Variants in INPP4B observed in about 807,000 individuals in gnomAD.
INPP4B encodes inositol polyphosphate-4-phosphatase type II B.
In INPP4B, 55 loss-of-function variants were observed where a neutral mutation model predicts 122.5. That is an observed-to-expected ratio of 0.45 (90% CI 0.36 to 0.56). INPP4B has a LOEUF of 0.56. Among genes scored for constraint, INPP4B ranks in the 20% least tolerant of loss-of-function variants. The pLI is 0.00. For synonymous variants in INPP4B, 403 were observed against 388.7 expected, an observed-to-expected ratio of 1.04 and a Z score of -0.43; for missense variants, 1,000 against 1,097.7, an observed-to-expected ratio of 0.91 and a Z score of 1.26.
chr4:142,314,657 A>C, intron 8 of INPP4B, 55 bp downstream of exon 8: 1 of 1,523,354 alleles, frequency 6.6e-7, no homozygotes, highest in Non-Finnish European at 8.9e-7. Flanking sequence ...AGAAAATCCA[A>C]ATGATTAATT....
chr4:142,732,198 G>A (rs1766200850), intron 1 of INPP4B, among the ~76,000 whole-genome samples: 1 of 152,136 alleles, frequency 6.6e-6, no homozygotes, highest in Non-Finnish European at 1.5e-5. Context: ...ATTTACTGAA[G>A]AGTATTATGC....
intron 2 of INPP4B, among the ~76,000 whole-genome samples, chr4:142,574,247 G>T (rs964712410): frequency 1.3e-5 from 2 of 152,014 alleles, no homozygotes; most frequent in African/African-American, 4.8e-5. Flanking sequence ...GAGGGAACTG[G>T]TTTCCTCCTC....
intron 2 of INPP4B, among the ~76,000 whole-genome samples, chr4:142,614,578 A>C (rs1276055329): frequency 6.6e-6 from 1 of 152,166 alleles, no homozygotes; most frequent in Non-Finnish European, 1.5e-5. Context: ...TCTGCATAAC[A>C]AAATAAATAA....
At chr4:142,557,402 C>T (rs540415768) in intron 2 of INPP4B, among the ~76,000 whole-genome samples, 3 of 152,254 alleles carry the variant, frequency 2.0e-5, no homozygotes, top group South Asian at 2.1e-4. Context: ...CCTGGAGAGA[C>T]GCACAGACCT....
intron 9 of INPP4B, among the ~76,000 whole-genome samples, chr4:142,277,556 C>A (rs531929606): frequency 8.6e-5 from 13 of 151,802 alleles, no homozygotes; most frequent in African/African-American, 3.1e-4. Context: ...AAATAACTCA[C>A]TATAAGAAAG....
intron 25 of INPP4B, among the ~76,000 whole-genome samples, chr4:142,042,974 ACAC>A (rs1560918113): frequency 1.3e-5 from 2 of 152,126 alleles, no homozygotes; most frequent in African/African-American, 4.8e-5. Context: ...TCAACATCAA[ACAC>A]CACCATTACC....
chr4:142,326,781 C>A (rs1279744956), intron 7 of INPP4B, among the ~76,000 whole-genome samples: 1 of 152,108 alleles, frequency 6.6e-6, no homozygotes, highest in African/African-American at 2.4e-5. Context: ...CTCTGTTTAA[C>A]CTTTGGGTTA....
intron 3 of INPP4B, among the ~76,000 whole-genome samples, chr4:142,453,675 TA>T (rs1560674466): frequency 6.6e-6 from 1 of 152,178 alleles, no homozygotes; most frequent in Non-Finnish European, 1.5e-5. Flanking sequence ...TGCATACACA[TA>T]ATGCATCTTA....
At chr4:142,275,179 C>G (rs1320502509) in intron 9 of INPP4B, among the ~76,000 whole-genome samples, 1 of 151,616 alleles carries the variant, frequency 6.6e-6, no homozygotes, top group Non-Finnish European at 1.5e-5. Flanking sequence ...AGTCTTCTAA[C>G]AAAGGATAAT....
chr4:142,345,950 T>G (rs1780203743), intron 7 of INPP4B, among the ~76,000 whole-genome samples: 1 of 152,048 alleles, frequency 6.6e-6, no homozygotes, highest in African/African-American at 2.4e-5. Flanking sequence ...TGGCAGTTTT[T>G]GGATAAACTG....
At chr4:142,264,865 G>C (rs1741993773) in intron 10 of INPP4B, among the ~76,000 whole-genome samples, 1 of 152,158 alleles carries the variant, frequency 6.6e-6, no homozygotes, top group Non-Finnish European at 1.5e-5. Context: ...AGGTCATAAA[G>C]ATGGGGTCTT....
chr4:142,588,354 A>C (rs1030386782), intron 2 of INPP4B, among the ~76,000 whole-genome samples: 24 of 151,822 alleles, frequency 1.6e-4, no homozygotes, highest in Admixed American at 2.0e-4. Context: ...AGAAGAAATA[A>C]ATTTGTCTTT....
rs548657440 is a variant in INPP4B at position 142,443,348 on chromosome 4, C to T, written c.-126-11963G>A. ...GAGGTACATGCCTGCTGAAGGGGAACAGCAGTAATTGCAGGAAAAGTACAA... is the reference window on the plus strand; with the variant it reads ...GAGGTACATGCCTGCTGAAGGGGAATAGCAGTAATTGCAGGAAAAGTACAA... On this transcript the variant is annotated intron_variant, in intron 3 of 25. Transcript: ENST00000262992. Among the ~76,000 whole-genome samples the T allele has an allele frequency of 1.1e-4, 16 of 152,164 alleles. No individual in the cohort carries two copies. The South Asian group carries it at 2.1e-3, about 20-fold the overall frequency.
intron 7 of INPP4B, among the ~76,000 whole-genome samples, chr4:142,402,143 C>T (rs1641208297): frequency 6.6e-6 from 1 of 152,188 alleles, no homozygotes; most frequent in African/African-American, 2.4e-5. Context: ...ACTGGTCCAC[C>T]TGCCATTAAA....
intron 1 of INPP4B, among the ~76,000 whole-genome samples, chr4:142,810,278 T>A (rs1779348765): frequency 6.6e-6 from 1 of 152,114 alleles, no homozygotes; most frequent in African/African-American, 2.4e-5. Flanking sequence ...GTTATGTATA[T>A]CTTGCCAAAA....
intron 9 of INPP4B, among the ~76,000 whole-genome samples, chr4:142,298,459 G>A (rs1203630867): frequency 6.6e-6 from 1 of 151,682 alleles, no homozygotes; most frequent in African/African-American, 2.4e-5. Context: ...GGCCGAGTTG[G>A]GTAGATCACG....
intron 2 of INPP4B, among the ~76,000 whole-genome samples, chr4:142,469,579 A>C (rs150331313): frequency 0.029 from 4,474 of 152,226 alleles, 103 homozygotes; most frequent in Middle Eastern, 0.065. Flanking sequence ...TTTTGCTCTA[A>C]TGATAAAATA....
chr4:142,423,950 C>T lies in INPP4B; in HGVS notation c.136+5223G>A, dbSNP rs78011535. The T allele has an allele frequency of 7.3e-3, 2,306 of 316,512 alleles. 55 individuals carry two copies. Among genetic ancestry groups the T allele is most frequent in the African/African-American group, 0.048 (2,132 of 44,662 alleles). 19.6% of individuals were successfully genotyped at this position (316,512 alleles called of 1,614,324 possible). ...TTTTCCTTCTAGAAATACAAGATGG[C>T]GGGCCTTTCTATATGTAGCTTGTAT... is the stretch of plus-strand genomic sequence containing the variant. On this transcript the variant is annotated intron_variant, in intron 5 of 25. Transcript: ENST00000262992.
intron 2 of INPP4B, among the ~76,000 whole-genome samples, chr4:142,523,842 G>A (rs1560754959): frequency 1.5e-5 from 2 of 132,108 alleles, no homozygotes; most frequent in African/African-American, 2.9e-5. Flanking sequence ...AGAGTGTGAT[G>A]TTCCCCTTCC....
Sources: gnomAD v4.1 joint callset for allele counts (sites outside exome capture counted in the v4.1 genomes callset) on GRCh38, gnomAD v4.1.1 for gene constraint, MANE v1.5 for transcripts, NCBI Gene and HGNC (gene_info 2026-07-23, HGNC 2026-07-21) for gene names.